The following NAALAD2 variants were observed in gnomAD, a reference collection of about 807,000 sequenced individuals.
NAALAD2 encodes the protein N-acetylated alpha-linked acidic dipeptidase 2, also known as N-acetylated-alpha-linked acidic dipeptidase 2.
NAALAD2 carries 89 observed loss-of-function variants against 95.6 expected under a neutral mutation model. The observed-to-expected ratio is 0.93, with a 90% CI of 0.78 to 1.11. The LOEUF (loss-of-function observed/expected upper bound fraction) is 1.11. Ranked by LOEUF, NAALAD2 falls within the 50% of genes least tolerant of loss-of-function variation. NAALAD2 has a pLI of 0.00. For synonymous variants in NAALAD2, 264 were observed against 294.4 expected (o/e 0.90, Z 1.06); for missense variants, 894 against 872.4 (o/e 1.02, Z -0.31).
intron 18 of NAALAD2, 38 bp downstream of exon 18, chr11:90,183,046 C>T (rs1410260222): frequency 6.8e-7 from 1 of 1,466,290 alleles, no homozygotes; most frequent in Admixed American, 1.7e-5. Flanking sequence ...TCACTGTGAC[C>T]AAAACCAGCA....
In NAALAD2 at chr11:90,147,312, G is replaced by A. The variant is rs1243726607; in HGVS notation, c.195-18G>A. On this transcript the variant is annotated intron_variant, in intron 2 of 18. Coordinates refer to ENST00000534061, the MANE Select transcript of NAALAD2 (RefSeq NM_005467.4). ...AGCATAGTCTTTAATGCCCTCTTAT[G>A]TTTTATTTTCATTTTAGTTCTTTTA... The A allele has an allele frequency of 6.2e-7, 1 of 1,601,012 alleles. No individual in the cohort carries two copies. Among genetic ancestry groups the A allele is most frequent in the Non-Finnish European group, 8.5e-7 (1 of 1,170,692 alleles).
At chr11:90,163,157 G>T in intron 9 of NAALAD2, 123 bp downstream of exon 9, 1 of 1,216,210 alleles carries the variant, frequency 8.2e-7, no homozygotes, top group Non-Finnish European at 1.1e-6. Context: ...AAATTTTGAG[G>T]AAAACTGTAC....
At position 90,154,838 on chromosome 11, in the gene NAALAD2, G is replaced by GTATATATGTATACATAATATGTATATAT. The variant is rs1951991085; in HGVS notation, c.796+2360_796+2361insTGTATACATAATATGTATATATTATATA. ...TATATGTAATATGTAATGTTACATA[G>GTATATATGTATACATAATATGTATATAT]TATATACGTATACATAATATGTATA... On this transcript the variant is annotated intron_variant, in intron 6 of 18. Coordinates refer to ENST00000534061, the MANE Select transcript of NAALAD2 (RefSeq NM_005467.4). Among the ~76,000 whole-genome samples the GTATATATGTATACATAATATGTATATAT allele has an allele frequency of 3.3e-4, 41 of 122,718 alleles. 1 individual carries two copies. The highest frequency in any genetic ancestry group is 1.2e-3 in the African/African-American group (40 of 32,952). The allele number at this position is 122,718 out of a possible 152,430, so 80.5% of individuals were successfully genotyped here.
chr11:90,185,210 C>T (rs1261755362), intron 18 of NAALAD2, among the ~76,000 whole-genome samples: 2 of 151,384 alleles, frequency 1.3e-5, no homozygotes, highest in Non-Finnish European at 2.9e-5. Context: ...TAAAAGTGTA[C>T]ACACACAATA....
chr11:90,168,962 G>A lies in NAALAD2; in HGVS notation c.1312G>A (p.Ala438Thr). ...CAAAATACTCCAGGAGAGAAGCATT[G>A]CTTATATCAACTCGGATTCATCTAT... ...NVKILQERSI[A>T]YINSDSSIEG... Residue 438 changes from alanine (A) to threonine (T), a missense_variant, in exon 12 of 19, where the codon GCT (alanine) becomes ACT (threonine). Transcript: ENST00000534061. 6.2e-7 allele frequency: 1 copy of A among 1,606,492 alleles called. No individual in the cohort carries two copies. Among genetic ancestry groups the A allele is most frequent in the Non-Finnish European group, 8.5e-7 (1 of 1,177,494 alleles).
At chr11:90,145,898 A>G (rs1356996852) in intron 2 of NAALAD2, among the ~76,000 whole-genome samples, 1 of 152,230 alleles carries the variant, frequency 6.6e-6, no homozygotes, top group Non-Finnish European at 1.5e-5. Context: ...GACAGAAGAC[A>G]GGACCTAACC....
chr11:90,167,213 G>C (rs965144211), intron 11 of NAALAD2, among the ~76,000 whole-genome samples: 8 of 152,196 alleles, frequency 5.3e-5, no homozygotes, highest in African/African-American at 1.9e-4. Flanking sequence ...CGGGAACCGG[G>C]GCTGCGCGGG....
intron 11 of NAALAD2, among the ~76,000 whole-genome samples, chr11:90,167,431 G>A (rs1010274342): frequency 1.3e-5 from 2 of 152,112 alleles, no homozygotes; most frequent in Non-Finnish European, 2.9e-5. Flanking sequence ...CTGCGCCCCC[G>A]CCGCGGCCGC....
At chr11:90,168,683 C>T (rs934405633) in intron 11 of NAALAD2, among the ~76,000 whole-genome samples, 1 of 152,056 alleles carries the variant, frequency 6.6e-6, no homozygotes, top group Non-Finnish European at 1.5e-5. Context: ...TCTTAGGGCT[C>T]TCTGCTATTG....
intron 1 of NAALAD2, 36 bp from the exon 2 acceptor site, chr11:90,135,523 T>G: frequency 6.9e-7 from 1 of 1,444,812 alleles, no homozygotes; most frequent in South Asian, 1.2e-5. Context: ...TGATTTTGTG[T>G]GTATGTGTGC....
chr11:90,167,209 C>T (rs966477838), intron 11 of NAALAD2, among the ~76,000 whole-genome samples: 3 of 152,090 alleles, frequency 2.0e-5, no homozygotes, highest in African/African-American at 7.2e-5. Flanking sequence ...CGGGCGGGAA[C>T]CGGGGCTGCG....
At chr11:90,166,914 C>T (rs1952470164) in intron 11 of NAALAD2, among the ~76,000 whole-genome samples, 1 of 151,964 alleles carries the variant, frequency 6.6e-6, no homozygotes, top group Non-Finnish European at 1.5e-5. Flanking sequence ...CTTTGGGAGG[C>T]TGAGACAGGT....
chr11:90,164,946 A>G, intron 11 of NAALAD2, among the ~76,000 whole-genome samples: 1 of 152,094 alleles, frequency 6.6e-6, no homozygotes, highest in African/African-American at 2.4e-5. Flanking sequence ...CCCACTAGTT[A>G]TTTTTCCTGA....
chr11:90,138,763 A>G (rs1473388034), intron 2 of NAALAD2, among the ~76,000 whole-genome samples: 3 of 60,680 alleles, frequency 4.9e-5, no homozygotes, highest in East Asian at 4.1e-4. Flanking sequence ...TTTTTTTGCC[A>G]TATTCACAAT....
At chr11:90,174,054 G>C in intron 14 of NAALAD2, 139 bp downstream of exon 14, 4 of 668,078 alleles carry the variant, frequency 6.0e-6, no homozygotes, top group South Asian at 5.7e-5. Flanking sequence ...ATTCCTGGCC[G>C]AGCCCAGTAG....
In NAALAD2 at chr11:90,159,234, G is replaced by A. The variant is rs1418115490; in HGVS notation, c.891-5G>A. On this transcript the variant is annotated splice_polypyrimidine_tract_variant and splice_region_variant and intron_variant, in intron 7 of 18. Coordinates refer to ENST00000534061, the MANE Select transcript of NAALAD2 (RefSeq NM_005467.4). ...TTTTCTGTCACTTTCATTTTATTTT[G>A]TCAGCTACTTGGGAGGAATTGCTCC... The A allele has an allele frequency of 1.9e-6, 3 of 1,606,572 alleles. No homozygotes were observed. Among genetic ancestry groups the A allele is most frequent in the Non-Finnish European group, 2.6e-6 (3 of 1,174,020 alleles).
intron 15 of NAALAD2, 42 bp downstream of exon 15, chr11:90,176,104 C>A: frequency 6.7e-7 from 1 of 1,481,754 alleles, no homozygotes; most frequent in Non-Finnish European, 9.4e-7. Context: ...ATTTCATCTA[C>A]AGTCCTTTGG....
intron 18 of NAALAD2, among the ~76,000 whole-genome samples, chr11:90,190,915 T>A (rs1857303468): frequency 6.6e-6 from 1 of 152,144 alleles, no homozygotes; most frequent in African/African-American, 2.4e-5. Flanking sequence ...GAAAGCAAAA[T>A]TCTACGTCAT....
At chr11:90,180,909 TATTAGGC>T (rs1273721309) in intron 16 of NAALAD2, among the ~76,000 whole-genome samples, 1 of 152,104 alleles carries the variant, frequency 6.6e-6, no homozygotes, top group Non-Finnish European at 1.5e-5. Flanking sequence ...ATAGGCATTG[TATTAGGC>T]ATTATAAGTA....
Sources: allele counts gnomAD v4.1 joint callset (sites outside exome capture counted in the v4.1 genomes callset), GRCh38; gene constraint gnomAD v4.1.1; transcripts MANE v1.5; gene names NCBI Gene and HGNC (gene_info 2026-07-23, HGNC 2026-07-21).